The following YARS2 variants were observed in gnomAD, a reference collection of about 807,000 sequenced individuals.
YARS2 encodes the protein tyrosyl-tRNA synthetase 2, also known as tyrosine--tRNA ligase, mitochondrial.
In YARS2, 38 loss-of-function variants were observed where a neutral mutation model predicts 45.0. The ratio of observed to expected loss-of-function variants is 0.84; its 90% CI spans 0.65 to 1.11. The LOEUF (loss-of-function observed/expected upper bound fraction) is 1.11, where lower values mean the gene tolerates loss of function less well. Ranked by LOEUF, YARS2 falls within the 50% of genes least tolerant of loss-of-function variation. The probability of loss-of-function intolerance (pLI) is 0.00; values close to 1 mark genes in which losing one functional copy is unlikely to be tolerated. For missense variants in YARS2, 602 were observed against 599.8 expected, an observed-to-expected ratio of 1.00 and a Z score of -0.04; for synonymous variants, 287 against 245.1, an observed-to-expected ratio of 1.17 and a Z score of -1.60.
intron 2 of YARS2, 94 bp downstream of exon 2, chr12:32,753,824 C>CA (rs766453892): frequency 4.6e-5 from 71 of 1,545,468 alleles, no homozygotes; most frequent in Admixed American, 1.7e-4. Context: ...ACGTTAAAAA[C>CA]AAAAAAACTA....
At position 32,749,561 on chromosome 12, in the gene YARS2, AAC is replaced by A. The variant is rs765857713; in HGVS notation, c.1274+374_1274+375del. ...CTATCAGGAAAACATCCTCTCTGGA[AAC>A]ACATGCTGTGAACTGTAACATTTTA... is the stretch of plus-strand genomic sequence containing the variant. On this transcript the variant is annotated intron_variant, in intron 4 of 4. Coordinates refer to ENST00000324868, the MANE Select transcript of YARS2 (RefSeq NM_001040436.3). 3.3e-5 allele frequency among the ~76,000 whole-genome samples: 5 copies of A among 152,304 alleles called. No individual in the cohort carries two copies. In the East Asian group the frequency reaches 5.8e-4, roughly 18 times the overall value.
At chr12:32,754,175 T>G (rs748927826) in intron 1 of YARS2, 90 bp from the exon 2 acceptor site, 1 of 1,515,484 alleles carries the variant, frequency 6.6e-7, no homozygotes, top group Non-Finnish European at 9.2e-7. Context: ...TCTGGTTACT[T>G]GCTCCAGGAA....
In YARS2 at chr12:32,755,456, T is replaced by C. The variant is rs1955830542; in HGVS notation, c.419A>G (p.Asn140Ser). 4 of 1,612,736 alleles carry C rather than the reference T, an allele frequency of 2.5e-6. No homozygotes were observed. Among genetic ancestry groups the C allele is most frequent in the Non-Finnish European group, 3.4e-6 (4 of 1,179,652 alleles). ...AAGCCCTAGGCGCAGAGCTCGCGCG[T>C]TGGCTCGCACGCGCTCTGTCTCCAG... ...EALETERVRA[N>S]ARALRLGLEA... The change falls in exon 1 of 5, where the codon AAC becomes AGC. Residue 140 changes from asparagine to serine, a missense_variant. Physicochemically the swap from Asn to Ser is conservative, Grantham distance 46. Transcript: ENST00000324868.
chr12:32,753,871 A>G (rs1955793870), intron 2 of YARS2, 47 bp downstream of exon 2: 1 of 1,610,618 alleles, frequency 6.2e-7, no homozygotes, highest in East Asian at 2.2e-5. Flanking sequence ...AAATTACATC[A>G]TGAGTTTATG....
intron 2 of YARS2, among the ~76,000 whole-genome samples, chr12:32,752,483 G>A (rs1384834531): frequency 6.6e-6 from 1 of 152,032 alleles, no homozygotes; most frequent in Non-Finnish European, 1.5e-5. Context: ...GGCCGGGTGC[G>A]GTAGCTCAAG....
chr12:32,755,362 C>T lies in YARS2; in HGVS notation c.513G>A (p.Leu171=). ...DGRSWGSFTV[L]DNSAWYQKQH... Reference sequence around the variant, plus strand: ...GCTTCTGGTACCAGGCCGAGTTGTCCAGCACAGTGAAGCTGCCCCAGGAGC... The same window carrying T: ...GCTTCTGGTACCAGGCCGAGTTGTCTAGCACAGTGAAGCTGCCCCAGGAGC... Residue 171 remains leucine (L), a synonymous_variant, in exon 1 of 5, where the codon CTG becomes CTA. Transcript: ENST00000324868. 1 of 1,614,088 alleles carries T rather than the reference C, an allele frequency of 6.2e-7. No individual in the cohort carries two copies. The highest frequency in any genetic ancestry group is 8.5e-7 in the Non-Finnish European group (1 of 1,180,032).
In YARS2 at chr12:32,747,258, G is replaced by A; in HGVS notation, c.1380C>T (p.Ser460=). 1 of 1,613,772 alleles carries A rather than the reference G, an allele frequency of 6.2e-7. No individual in the cohort carries two copies. The highest frequency in any genetic ancestry group is 8.5e-7 in the Non-Finnish European group (1 of 1,179,846). ...AATTTCTTTTTCCTATTTTAAGTAAGGAAAGTCCATTCTTGAGAATATGTT... is the reference window on the plus strand; with the variant it reads ...AATTTCTTTTTCCTATTTTAAGTAAAGAAAGTCCATTCTTGAGAATATGTT... The part of the protein sequence containing the change: ...VGQHILKNGL[S]LLKIGKRNFY... The change falls in exon 5 of 5, where the codon TCC becomes TCT. Residue 460 remains serine (S), a synonymous_variant. Transcript: ENST00000324868.
chr12:32,748,163 T>A (rs1329487583), intron 4 of YARS2, among the ~76,000 whole-genome samples: 1 of 152,178 alleles, frequency 6.6e-6, no homozygotes, highest in East Asian at 1.9e-4. Context: ...GTTTTAAAGA[T>A]ATTTTTATAC....
rs551404893 is a variant in YARS2 at position 32,747,463 on chromosome 12, GAGA to G, written c.1275-103_1275-101del. The G allele has an allele frequency of 7.7e-4, 985 of 1,273,470 alleles. 15 individuals are homozygous for G. The South Asian group carries it at 0.011, about 15-fold the overall frequency. The allele number at this position is 1,273,470 out of a possible 1,614,324, so 78.9% of individuals were successfully genotyped here. A position where few individuals can be genotyped will look rare whatever the true frequency, so the allele number is the denominator to read the frequency against. On this transcript the variant is annotated intron_variant, in intron 4 of 4. Transcript: ENST00000324868. ...CTTAGATTTCAGAGGCTCTCCAATT[GAGA>G]AGATTTCATTTGGCACTGGACTGTT...
intron 2 of YARS2, among the ~76,000 whole-genome samples, chr12:32,753,577 TGA>T (rs1440137545): frequency 6.6e-6 from 1 of 152,138 alleles, no homozygotes; most frequent in Non-Finnish European, 1.5e-5. Context: ...GTCATATTTG[TGA>T]GAGAAGAGAG....
chr12:32,752,180 A>G (rs749312128), intron 2 of YARS2, among the ~76,000 whole-genome samples: 1 of 152,212 alleles, frequency 6.6e-6, no homozygotes, highest in Non-Finnish European at 1.5e-5. Context: ...ATATATGACT[A>G]TAATATCATC....
Position 32,746,908 on chromosome 12 carries a change from A to G in YARS2, c.*296T>C. The G allele has an allele frequency of 9.0e-6, 3 of 334,170 alleles. No homozygotes were observed. The highest frequency in any genetic ancestry group is 8.7e-5 in the South Asian group (3 of 34,320). 20.7% of individuals were successfully genotyped at this position (334,170 alleles called of 1,614,324 possible). A position where few individuals can be genotyped will look rare whatever the true frequency, so the allele number is the denominator to read the frequency against. ...CAAAAAGGAGAGCAGGAAGGGTAAG[A>G]TAGGAAAGCAGCATTTCTTTCTCTT... On this transcript the variant is annotated 3_prime_UTR_variant, in exon 5 of 5. Transcript: ENST00000324868.
At position 32,755,195 on chromosome 12, in the gene YARS2, T is replaced by G. The variant is rs770265035; in HGVS notation, c.680A>C (p.Tyr227Ser). Residue 227 changes from tyrosine to serine, a missense_variant, in exon 1 of 5, where the codon TAT becomes TCT. Coordinates refer to ENST00000324868, the MANE Select transcript of YARS2 (RefSeq NM_001040436.3). The part of the protein sequence containing the change: ...AEFFYQVLQA[Y>S]DFYYLFQRYG... Reference sequence around the variant, plus strand: ...ACGCTGGAAGAGGTAATAGAAGTCATAGGCCTGGAGCACCTGGTAAAAGAA... The same window carrying G: ...ACGCTGGAAGAGGTAATAGAAGTCAGAGGCCTGGAGCACCTGGTAAAAGAA... 65 of 1,614,082 alleles carry G rather than the reference T, an allele frequency of 4.0e-5. No individual in the cohort carries two copies. The highest frequency in any genetic ancestry group is 5.3e-5 in the Non-Finnish European group (63 of 1,180,056).
intron 2 of YARS2, among the ~76,000 whole-genome samples, 197 bp from the exon 3 acceptor site, chr12:32,751,071 CTTT>C (rs57698169): frequency 7.1e-6 from 1 of 141,616 alleles, no homozygotes. Context: ...TTTTCAATTT[CTTT>C]TTTTTTTTTT....
chr12:32,749,983 G>C lies in YARS2; in HGVS notation c.1228C>G (p.Leu410Val), dbSNP rs1170269654. Residue 410 changes from leucine (L) to valine (V), a missense_variant, in exon 4 of 5, where the codon CTA becomes GTA. Transcript: ENST00000324868. The part of the protein sequence containing the change: ...EFFLDPGTSV[L>V]DTCRKANAIP... ...GCATTTGCTTTGCGGCAAGTATCTA[G>C]GACACTTGTTCCAGGATCGAGAAAA... 3.1e-6 allele frequency: 5 copies of C among 1,613,904 alleles called. No individual in the cohort carries two copies. The East Asian group carries it at 1.1e-4, about 36-fold the overall frequency.
chr12:32,750,848 G>T lies in YARS2; in HGVS notation c.974C>A (p.Pro325His), dbSNP rs370499536. ...CATGATATGATCAATCTCTGGAAGG[G>T]GCAGGAAAGTGAACAGCTTCAGGTA... ...ERYLKLFTFL[P>H]LPEIDHIMQL... Residue 325 changes from proline to histidine, a missense_variant, in exon 3 of 5, where the codon CCC (proline) becomes CAC (histidine). Physicochemically the swap from Pro to His is moderately conservative, Grantham distance 77. Transcript: ENST00000324868. The T allele has an allele frequency of 3.1e-6, 5 of 1,613,818 alleles. No individual in the cohort carries two copies. In the African/African-American group the frequency reaches 6.7e-5, roughly 22 times the overall value.
rs1028738254 is a variant in YARS2, at chr12:32,755,851, G to A, written c.24C>T (p.Ser8=). MAAPILR[S]FSWGRWSGTL... ...TACCAGACCACCGGCCCCAGGAAAA[G>A]GACCGCAAGATGGGCGCCGCCATCT... Residue 8 remains serine, a synonymous_variant, in exon 1 of 5, where the codon TCC becomes TCT. Transcript: ENST00000324868. 2.5e-6 allele frequency: 4 copies of A among 1,613,202 alleles called. No homozygotes were observed. The highest frequency in any genetic ancestry group is 2.7e-5 in the African/African-American group (2 of 74,958).
intron 2 of YARS2, among the ~76,000 whole-genome samples, 153 bp downstream of exon 2, chr12:32,753,765 G>T (rs1320836100): frequency 6.6e-6 from 1 of 152,212 alleles, no homozygotes; most frequent in Non-Finnish European, 1.5e-5. Flanking sequence ...TTAGAACACA[G>T]TAAAAATTAG....
At chr12:32,750,170 C>T in intron 3 of YARS2, 63 bp from the exon 4 acceptor site, 15 of 1,592,800 alleles carry the variant, frequency 9.4e-6, no homozygotes, top group Non-Finnish European at 1.2e-5. Context: ...GTTCTAATAC[C>T]CATTAACCAA....
Sources: gnomAD v4.1 joint callset for allele counts (sites outside exome capture counted in the v4.1 genomes callset) on GRCh38, gnomAD v4.1.1 for gene constraint, MANE v1.5 for transcripts, NCBI Gene and HGNC (gene_info 2026-07-23, HGNC 2026-07-21) for gene names.